CELSR1: variants seen among roughly 807,000 people sequenced by gnomAD.
CELSR1 encodes the protein adhesion G protein-coupled receptor C1.
Under a neutral mutation model 249.1 loss-of-function variants are expected in CELSR1, and 110 were observed. That is an observed-to-expected ratio of 0.44 (90% CI 0.38 to 0.52). The LOEUF is 0.52. Among genes scored for constraint, CELSR1 ranks in the 20% least tolerant of loss-of-function variants. CELSR1 has a pLI of 0.00. For missense variants in CELSR1, 4,109 were observed against 4,296.4 expected, an observed-to-expected ratio of 0.96 and a Z score of 1.22; for synonymous variants, 2,113 against 1,900.0, an observed-to-expected ratio of 1.11 and a Z score of -2.92.
intron 17 of CELSR1, among the ~76,000 whole-genome samples, chr22:46,389,876 C>T (rs560475219): frequency 1.4e-4 from 22 of 152,202 alleles, no homozygotes; most frequent in South Asian, 2.1e-4. Flanking sequence ...CGCTTGAATC[C>T]GGGAAGCAGA....
rs1372008593 is a variant in CELSR1, at chr22:46,526,976, T to A, written c.3544+6651A>T. ...CGAACCTCTCTCAGTTTCACTCTCA[T>A]CCTCCCAGAGCCAGTTTTTTCTGGA... On this transcript the variant is annotated intron_variant, in intron 1 of 34. Coordinates refer to ENST00000674500, the MANE Select transcript of CELSR1 (RefSeq NM_001378328.1). This position sits in a 1 kb window ranked among gnomAD's most constrained non-coding sequence, Gnocchi z 4.7. 6.6e-6 allele frequency among the ~76,000 whole-genome samples: 1 copy of A among 152,124 alleles called. No individual in the cohort carries two copies. Among genetic ancestry groups the A allele is most frequent in the Non-Finnish European group, 1.5e-5 (1 of 68,014 alleles).
At chr22:46,449,282 C>CCATT (rs2079854563) in intron 2 of CELSR1, among the ~76,000 whole-genome samples, 1 of 150,400 alleles carries the variant, frequency 6.6e-6, no homozygotes. Flanking sequence ...CAACTATCCA[C>CCATT]CATTCATCCA....
intron 29 of CELSR1, 25 bp from the exon 30 acceptor site, chr22:46,366,505 A>G (rs1373627666): frequency 6.5e-7 from 1 of 1,530,894 alleles, no homozygotes; most frequent in Non-Finnish European, 8.9e-7. Context: ...GGGGCTGGTC[A>G]CTGCCAAGTG....
At position 46,464,874 on chromosome 22, in the gene CELSR1, T is replaced by C. The variant is rs141697269; in HGVS notation, c.3545-529A>G. On this transcript the variant is annotated intron_variant, in intron 1 of 34. Transcript: ENST00000674500. This position sits in a 1 kb window ranked among gnomAD's most constrained non-coding sequence, Gnocchi z 8.5. ...GTGCCTGGCAAGCCCGCCCTGGTCCTGCCCAGGCGACATCCCCACCGACGT... is the reference window on the plus strand; with the variant it reads ...GTGCCTGGCAAGCCCGCCCTGGTCCCGCCCAGGCGACATCCCCACCGACGT... Among the ~76,000 whole-genome samples the C allele has an allele frequency of 5.9e-3, 899 of 152,252 alleles. 3 individuals are homozygous for C. The highest frequency in any genetic ancestry group is 0.01 in the Middle Eastern group (3 of 294).
At chr22:46,481,188 TCGTGCCACTGCACTCCAGC>T (rs1187512012) in intron 1 of CELSR1, 1 of 235,560 alleles carries the variant, frequency 4.2e-6, no homozygotes, top group Non-Finnish European at 8.4e-6. Flanking sequence ...TGAGCTGAGA[TCGTGCCACTGCACTCCAGC>T]CTTCCAGCCT....
chr22:46,408,958 A>G lies in CELSR1; in HGVS notation c.5226+38T>C. On this transcript the variant is annotated intron_variant, in intron 9 of 34. Coordinates refer to ENST00000674500, the MANE Select transcript of CELSR1 (RefSeq NM_001378328.1). The surrounding 1 kb of genome is among the most constrained non-coding windows in gnomAD (Gnocchi z 4.6). Reference sequence around the variant, plus strand: ...GCCTGGGTCCCTCCCTCGGGCACCCACCTAGCAGGTGCCTTGGTGGCACGG... The same window carrying G: ...GCCTGGGTCCCTCCCTCGGGCACCCGCCTAGCAGGTGCCTTGGTGGCACGG... 1 of 1,551,262 alleles carries G rather than the reference A, an allele frequency of 6.4e-7. No homozygotes were observed. Among genetic ancestry groups the G allele is most frequent in the Non-Finnish European group, 8.7e-7 (1 of 1,148,766 alleles).
At position 46,391,648 on chromosome 22, in the gene CELSR1, T is replaced by G. The variant is rs1349183122; in HGVS notation, c.6133A>C (p.Thr2045Pro). ...CAACGCGGACCTTCACAGCCGAGCG[T>G]GGTGACCTCGGCAAACGGGTTGTCG... is the stretch of plus-strand genomic sequence containing the variant. ...RCDNPFAEVT[T>P]LGCEVIYNGC... is the part of the protein sequence containing the mutation. Residue 2045 changes from threonine to proline, a missense_variant, in exon 15 of 35, where the codon ACG becomes CCG. Around this residue, in one of 7 missense-constraint regions of CELSR1, gnomAD observed 1,805 missense variants for 1,831.6 expected, o/e 0.99. Transcript: ENST00000674500. The surrounding 1 kb of genome is among the most constrained non-coding windows in gnomAD (Gnocchi z 4.3). The G allele has an allele frequency of 6.2e-7, 1 of 1,603,804 alleles. No homozygotes were observed. The highest frequency in any genetic ancestry group is 8.5e-7 in the Non-Finnish European group (1 of 1,177,492).
intron 1 of CELSR1, chr22:46,481,686 A>T: frequency 1.7e-6 from 1 of 586,570 alleles, no homozygotes; most frequent in Non-Finnish European, 3.1e-6. Context: ...CTCTCTCCAG[A>T]CTCTTCACCA....
At chr22:46,496,270 C>CA (rs2080412967) in intron 1 of CELSR1, among the ~76,000 whole-genome samples, 1 of 150,270 alleles carries the variant, frequency 6.7e-6, no homozygotes, top group African/African-American at 2.5e-5. Context: ...TACAGCTGTT[C>CA]AAAAATATTT....
intron 2 of CELSR1, among the ~76,000 whole-genome samples, chr22:46,449,962 G>GCTCACACACACTCACATA (rs1347657370): frequency 1.3e-5 from 2 of 152,106 alleles, no homozygotes; most frequent in African/African-American, 4.8e-5. Flanking sequence ...GCACTCACAT[G>GCTCACACACACTCACATA]CTCACACACA....
chr22:46,453,704 C>G (rs1172624029), intron 2 of CELSR1, among the ~76,000 whole-genome samples: 3 of 152,212 alleles, frequency 2.0e-5, no homozygotes, highest in African/African-American at 7.2e-5. Flanking sequence ...TGGGTCACTA[C>G]TCTCAGGGCA....
At chr22:46,387,921 C>T (rs1197203677) in intron 18 of CELSR1, among the ~76,000 whole-genome samples, 1 of 152,178 alleles carries the variant, frequency 6.6e-6, no homozygotes, top group Admixed American at 6.5e-5. Flanking sequence ...CGCAGAGGTC[C>T]CACACTGAGG....
At chr22:46,418,258 A>G (rs1192648580) in intron 5 of CELSR1, among the ~76,000 whole-genome samples, 4 of 152,186 alleles carry the variant, frequency 2.6e-5, no homozygotes, top group Non-Finnish European at 5.9e-5. Context: ...AGGTGGGCGG[A>G]TCACTTGCAG....
intron 1 of CELSR1, among the ~76,000 whole-genome samples, chr22:46,494,632 C>T (rs2080396540): frequency 6.6e-6 from 1 of 152,152 alleles, no homozygotes. Flanking sequence ...CCTCAGCCTC[C>T]AGAGTAGCCG....
intron 1 of CELSR1, among the ~76,000 whole-genome samples, chr22:46,470,039 C>G (rs1352015686): frequency 1.5e-5 from 1 of 68,074 alleles, no homozygotes; most frequent in Non-Finnish European, 2.8e-5. Context: ...GTCACTTTAA[C>G]TCCAACATCA....
At chr22:46,438,257 A>G (rs942306914) in intron 3 of CELSR1, among the ~76,000 whole-genome samples, 11 of 152,182 alleles carry the variant, frequency 7.2e-5, no homozygotes, top group African/African-American at 2.7e-4. Context: ...CTGGGAACGG[A>G]GCCCGGAGCC....
intron 17 of CELSR1, among the ~76,000 whole-genome samples, chr22:46,389,828 C>T (rs2079070237): frequency 6.6e-6 from 1 of 152,042 alleles, no homozygotes; most frequent in Non-Finnish European, 1.5e-5. Context: ...GTGGTGGGCA[C>T]CTGTAAGTCC....
chr22:46,531,955 G>C (rs2080796288), intron 1 of CELSR1, among the ~76,000 whole-genome samples: 1 of 14,412 alleles, frequency 6.9e-5, no homozygotes, highest in Non-Finnish European at 2.0e-4. Flanking sequence ...GGATGACTGA[G>C]ACTGGATGAC....
chr22:46,527,468 G>T lies in CELSR1; in HGVS notation c.3544+6159C>A, dbSNP rs559400146. The stretch of plus-strand genomic sequence containing the variant: ...CCCATCACACACTGCACACGTCCAG[G>T]GGGGTAGAGAAGAGTCCCAGCCCGC... On this transcript the variant is annotated intron_variant, in intron 1 of 34. Coordinates refer to ENST00000674500, the MANE Select transcript of CELSR1 (RefSeq NM_001378328.1). The surrounding 1 kb of genome is among the most constrained non-coding windows in gnomAD (Gnocchi z 5.5). 3.3e-5 allele frequency among the ~76,000 whole-genome samples: 5 copies of T among 152,138 alleles called. No homozygotes were observed. Among genetic ancestry groups the T allele is most frequent in the Non-Finnish European group, 7.4e-5 (5 of 68,010 alleles).
Sources: gnomAD v4.1 joint callset for allele counts (sites outside exome capture counted in the v4.1 genomes callset) on GRCh38, gnomAD v4.1.1 for gene constraint, gnomAD v4.1.1 regional missense constraint, Gnocchi (gnomAD v3.1) non-coding constraint, MANE v1.5 for transcripts, NCBI Gene and HGNC (gene_info 2026-07-23, HGNC 2026-07-21) for gene names.